The following FAM186B variants were observed in gnomAD, a reference collection of about 807,000 sequenced individuals.
FAM186B encodes the protein family with sequence similarity 186 member B, also known as protein FAM186B.
In FAM186B, 68 loss-of-function variants were observed where a neutral mutation model predicts 83.4. That is an observed-to-expected ratio of 0.81 (90% CI 0.67 to 1.00). FAM186B has a LOEUF of 1.00. FAM186B is among the 50% of genes least tolerant of loss of function. FAM186B has a pLI of 0.00. For synonymous variants in FAM186B, 389 were observed against 422.0 expected (o/e 0.92, Z 0.96); for missense variants, 983 against 1,099.2 (o/e 0.89, Z 1.49).
At chr12:49,622,709 A>G in the FAM186B span, 1 of 152,202 alleles carries the variant, frequency 6.6e-6, no homozygotes, top group African/African-American at 2.4e-5. Flanking sequence ...GGAACCTAGC[A>G]CGGCATCACG....
upstream of FAM186B, among the ~76,000 whole-genome samples, chr12:49,608,793 T>G (rs1319327922): frequency 6.6e-6 from 1 of 151,042 alleles, no homozygotes; most frequent in Non-Finnish European, 1.5e-5. Context: ...TTTGGGAAAG[T>G]GCCCTTTCCA....
chr12:49,596,323 CAAAAAA>C (rs933362822), intron 5 of FAM186B, among the ~76,000 whole-genome samples: 17 of 64,314 alleles, frequency 2.6e-4, no homozygotes, highest in South Asian at 6.9e-4. Flanking sequence ...ACCCCCGTCT[CAAAAAA>C]AAAAAAAAAA....
At position 49,599,896 on chromosome 12, in the gene FAM186B, G is replaced by A. The variant is rs372928425; in HGVS notation, c.1744C>T (p.Arg582Trp). 107 of 1,611,544 alleles carry A rather than the reference G, an allele frequency of 6.6e-5. No homozygotes were observed. Among genetic ancestry groups the A allele is most frequent in the Non-Finnish European group, 8.3e-5 (98 of 1,178,734 alleles). The change falls in exon 4 of 7, where the codon CGG becomes TGG. Residue 582 changes from arginine (R) to tryptophan (W), a missense_variant. Transcript: ENST00000257894. ...AELSLVPAPS[R>W]TQSAHQSRRP... ...CTGCTTTGGTGAGCAGATTGGGTCCGGCTTGGGGCAGGCACTAATGATAGC... is the reference window on the plus strand; with the variant it reads ...CTGCTTTGGTGAGCAGATTGGGTCCAGCTTGGGGCAGGCACTAATGATAGC...
Position 49,588,377 on chromosome 12 carries a change from C to T in FAM186B, c.2534+77G>A, listed in dbSNP as rs1045935403. ...GTTGGTGCCCTCACTTCACTGCCCA[C>T]CTCCCCAGGCTGGTCACCCCTGCTC... On this transcript the variant is annotated intron_variant, in intron 6 of 6. Transcript: ENST00000257894. 4 of 1,508,352 alleles carry T rather than the reference C, an allele frequency of 2.7e-6. No homozygotes were observed. In the African/African-American group the frequency reaches 5.6e-5, roughly 21 times the overall value. 93.4% of individuals were successfully genotyped at this position (1,508,352 alleles called of 1,614,324 possible).
intron 5 of FAM186B, among the ~76,000 whole-genome samples, chr12:49,592,012 T>C (rs563071093): frequency 1.3e-5 from 2 of 152,124 alleles, no homozygotes; most frequent in African/African-American, 4.8e-5. Context: ...GCAGAACCCA[T>C]AGATACAGAG....
intron 6 of FAM186B, 57 bp from the exon 7 acceptor site, chr12:49,587,809 G>T (rs1939483580): frequency 6.4e-7 from 1 of 1,562,516 alleles, no homozygotes; most frequent in Admixed American, 1.8e-5. Context: ...TGAGATGCAA[G>T]AGACTCTCCA....
chr12:49,600,484 C>G lies in FAM186B; in HGVS notation c.1156G>C (p.Ala386Pro). The G allele has an allele frequency of 6.2e-7, 1 of 1,613,830 alleles. No homozygotes were observed. The highest frequency in any genetic ancestry group is 8.5e-7 in the Non-Finnish European group (1 of 1,179,844). Residue 386 changes from alanine (A) to proline (P), a missense_variant, in exon 4 of 7, where the codon GCT becomes CCT. Physicochemically the swap from Ala to Pro is conservative, Grantham distance 27 (BLOSUM62 -1). Coordinates refer to ENST00000257894, the MANE Select transcript of FAM186B (RefSeq NM_032130.3). This position sits in a 1 kb window ranked among gnomAD's most constrained non-coding sequence, Gnocchi z 4.3. The part of the protein sequence containing the change: ...MAMIRDSGAI[A>P]AGHQPLSTMT... ...GTGGAAAGTGGCTGGTGCCCTGCAG[C>G]TATAGCACCACTGTCCCGTATCATG...
At chr12:49,615,130 A>G in the FAM186B span, among the ~76,000 whole-genome samples, 1 of 151,178 alleles carries the variant, frequency 6.6e-6, no homozygotes, top group Non-Finnish European at 1.5e-5. Context: ...CTCCGTCTCA[A>G]AAAAAAAAAC....
In FAM186B at chr12:49,600,982, G is replaced by A; in HGVS notation, c.658C>T (p.Leu220=). The change falls in exon 4 of 7, where the codon CTG becomes TTG. Residue 220 remains leucine, a synonymous_variant. Coordinates refer to ENST00000257894, the MANE Select transcript of FAM186B (RefSeq NM_032130.3). The surrounding 1 kb of genome is among the most constrained non-coding windows in gnomAD (Gnocchi z 4.3). The part of the protein sequence containing the change: ...SEVTSMLQEL[L]DSTMFSKGEV... ...CCCTTGCTGAACATGGTAGAGTCCA[G>A]GAGCTCCTGCAGCATGGACGTCACC... 1 of 1,614,126 alleles carries A rather than the reference G, an allele frequency of 6.2e-7. No individual in the cohort carries two copies. The highest frequency in any genetic ancestry group is 1.3e-5 in the African/African-American group (1 of 75,054).
intron 1 of FAM186B, chr12:49,605,092 C>T (rs1592557544): frequency 5.8e-6 from 6 of 1,027,520 alleles, no homozygotes; most frequent in East Asian, 4.7e-5. Context: ...TTTCTCCTGC[C>T]CTCTAAAACC....
At chr12:49,587,495 G>A (rs1005693269), downstream of FAM186B, 4 of 1,457,506 alleles carry the variant, frequency 2.7e-6, no homozygotes, top group African/African-American at 2.8e-5. Flanking sequence ...GATAGCAAAT[G>A]AGGTCATTGT....
At chr12:49,611,349 G>C in the FAM186B span, among the ~76,000 whole-genome samples, 1 of 151,998 alleles carries the variant, frequency 6.6e-6, no homozygotes, top group Non-Finnish European at 1.5e-5. Flanking sequence ...CTCCAGCCTG[G>C]ACGACTGAGC....
downstream of FAM186B, chr12:49,584,342 G>A (rs1216134985): frequency 3.3e-6 from 2 of 597,800 alleles, no homozygotes; most frequent in Non-Finnish European, 6.0e-6. Context: ...GAGGGAAGCA[G>A]TGTTTCTCAA....
intron 3 of FAM186B, among the ~76,000 whole-genome samples, chr12:49,602,778 GAT>G (rs1939922018): frequency 6.6e-6 from 1 of 152,234 alleles, no homozygotes; most frequent in African/African-American, 2.4e-5. Context: ...GCTATTTGCT[GAT>G]GGACCACCTC....
chr12:49,587,821 A>G, intron 6 of FAM186B, 69 bp from the exon 7 acceptor site: 1 of 1,529,090 alleles, frequency 6.5e-7, no homozygotes, highest in Admixed American at 2.0e-5. Flanking sequence ...GACTCTCCAG[A>G]GCCATCAGGC....
chr12:49,606,486 G>GAC (rs57458344), upstream of FAM186B, among the ~76,000 whole-genome samples: 39,660 of 135,786 alleles, frequency 0.29, 5,762 homozygotes, highest in Non-Finnish European at 0.37. Context: ...TAGATACCCT[G>GAC]ACACACACAC....
At chr12:49,593,643 A>AAAAAG (rs61115320) in intron 5 of FAM186B, among the ~76,000 whole-genome samples, 21 of 150,266 alleles carry the variant, frequency 1.4e-4, no homozygotes, top group Middle Eastern at 3.4e-3. Context: ...AAAAAAAAAA[A>AAAAAG]AAAGAAAAGA....
In FAM186B at chr12:49,600,267, T is replaced by G. The variant is rs759951365; in HGVS notation, c.1373A>C (p.His458Pro). 1.2e-6 allele frequency: 2 copies of G among 1,614,048 alleles called. No homozygotes were observed. Among genetic ancestry groups the G allele is most frequent in the Non-Finnish European group, 8.5e-7 (1 of 1,179,988 alleles). ...CTCTAGAGACAGCTGCTTGCTACAGTGGAACTTAATTTGGAGTCCTCCCTT... is the reference window on the plus strand; with the variant it reads ...CTCTAGAGACAGCTGCTTGCTACAGGGGAACTTAATTTGGAGTCCTCCCTT... Reference protein sequence around the residue: ...FQKGGLQIKFHCSKQLSLESS... With the variant: ...FQKGGLQIKFPCSKQLSLESS... Residue 458 changes from histidine to proline, a missense_variant, in exon 4 of 7, where the codon CAC becomes CCC. Transcript: ENST00000257894. The surrounding 1 kb of genome is among the most constrained non-coding windows in gnomAD (Gnocchi z 4.3).
Position 49,605,401 on chromosome 12 carries a change from T to C in FAM186B, c.77A>G (p.Gln26Arg), listed in dbSNP as rs1939995171. ...KAIILRIEAA[Q>R]LTRAQEDIST... ...GGCTACCTCTTGAGCCCGAGTTAGCTGGGCAGCCTCAATCCTCAGGATGAT... is the reference window on the plus strand; with the variant it reads ...GGCTACCTCTTGAGCCCGAGTTAGCCGGGCAGCCTCAATCCTCAGGATGAT... The change falls in exon 1 of 7, where the codon CAG becomes CGG. Residue 26 changes from glutamine (Q) to arginine (R), a missense_variant. Gln to Arg is a conservative substitution (Grantham distance 43, BLOSUM62 1). Transcript: ENST00000257894. 6.2e-7 allele frequency: 1 copy of C among 1,613,398 alleles called. No homozygotes were observed. Among genetic ancestry groups the C allele is most frequent in the Non-Finnish European group, 8.5e-7 (1 of 1,179,838 alleles).
Sources: allele counts gnomAD v4.1 joint callset (sites outside exome capture counted in the v4.1 genomes callset), GRCh38; gene constraint gnomAD v4.1.1; non-coding constraint Gnocchi (gnomAD v3.1); transcripts MANE v1.5; gene names NCBI Gene and HGNC (gene_info 2026-07-23, HGNC 2026-07-21).